ALKAL2: variants seen among roughly 807,000 people sequenced by gnomAD.
ALKAL2 encodes ALK and LTK ligand 2, also known as AUG-alpha.
ALKAL2 carries 8 observed loss-of-function variants against 18.5 expected under a neutral mutation model. That is an observed-to-expected ratio of 0.43 (90% confidence interval 0.25 to 0.78). ALKAL2 has a LOEUF of 0.78. Among genes scored for constraint, ALKAL2 ranks in the 30% least tolerant of loss-of-function variants. The pLI, the probability that ALKAL2 is intolerant of heterozygous loss-of-function variation, is 0.22. For missense variants in ALKAL2, 241 were observed against 211.2 expected (o/e 1.14, Z -0.88); for synonymous variants, 135 against 95.8 (o/e 1.41, Z -2.39).
intron 2 of ALKAL2, chr2:287,302 G>A: frequency 3.0e-6 from 1 of 337,418 alleles, no homozygotes; most frequent in Non-Finnish European, 5.3e-6. Context: ...AAGCTTTGCT[G>A]GAAATGCTTC....
At position 287,994 on chromosome 2, in the gene ALKAL2, G is replaced by C. The variant is rs939452499; in HGVS notation, c.-58+19C>G. 2.4e-5 allele frequency: 29 copies of C among 1,233,214 alleles called. No individual in the cohort carries two copies. Among genetic ancestry groups the C allele is most frequent in the Non-Finnish European group, 2.7e-5 (27 of 990,368 alleles). The allele number at this position is 1,233,214 out of a possible 1,614,324, so 76.4% of individuals were successfully genotyped here. A position where few individuals can be genotyped will look rare whatever the true frequency, so the allele number is the denominator to read the frequency against. On this transcript the variant is annotated intron_variant, in intron 1 of 5. Transcript: ENST00000403610. ...AGGGGAGGCGGGAGGAGCCGCTGGC[G>C]CTGGACCCGGCCCCTCACCTCCGCG...
In ALKAL2 at chr2:288,015, C is replaced by T. The variant is rs1400701919; in HGVS notation, c.-60G>A. ...TGGCGCTGGACCCGGCCCCTCACCT[C>T]CGCGGACCCCGAGGAACAAGCCGGC... On this transcript the variant is annotated splice_region_variant and 5_prime_UTR_variant, in exon 1 of 6. Transcript: ENST00000403610. The T allele has an allele frequency of 8.2e-7, 1 of 1,226,074 alleles. No homozygotes were observed. The highest frequency in any genetic ancestry group is 1.0e-6 in the Non-Finnish European group (1 of 985,950). The allele number at this position is 1,226,074 out of a possible 1,614,324, so 75.9% of individuals were successfully genotyped here.
intron 5 of ALKAL2, among the ~76,000 whole-genome samples, chr2:280,769 G>C (rs1046655059): frequency 6.6e-6 from 1 of 152,160 alleles, no homozygotes; most frequent in African/African-American, 2.4e-5. Context: ...GGTTGGTGGG[G>C]ACATTGTTCT....
chr2:283,402 G>A lies in ALKAL2; in HGVS notation c.389-227C>T, dbSNP rs191475982. ...ATGGCAGAAGTCGGATGATGTAAGT[G>A]GGGCAGCGGAGGGAAGAGGGACAGA... is the stretch of plus-strand genomic sequence containing the variant. On this transcript the variant is annotated intron_variant, in intron 4 of 5. Coordinates refer to ENST00000403610, the MANE Select transcript of ALKAL2 (RefSeq NM_001002919.3). The A allele has an allele frequency of 8.4e-3, 8,299 of 985,394 alleles. 50 individuals carry two copies. The highest frequency in any genetic ancestry group is 9.0e-3 in the Non-Finnish European group (7,493 of 829,928). The allele number at this position is 985,394 out of a possible 1,614,324, so 61.0% of individuals were successfully genotyped here.
rs1670561393 is a variant in ALKAL2, at chr2:287,566, C to T, written c.253+17G>A. On this transcript the variant is annotated intron_variant, in intron 2 of 5. Coordinates refer to ENST00000403610, the MANE Select transcript of ALKAL2 (RefSeq NM_001002919.3). ...TCCCAGCAGCCCCGGCCCTCGGGCG[C>T]GCTCGGCCCCACTCACCCACTCGCT... is the stretch of plus-strand genomic sequence containing the variant. 1 of 1,377,510 alleles carries T rather than the reference C, an allele frequency of 7.3e-7. No individual in the cohort carries two copies. Among genetic ancestry groups the T allele is most frequent in the Non-Finnish European group, 9.3e-7 (1 of 1,069,736 alleles). 85.3% of individuals were successfully genotyped at this position (1,377,510 alleles called of 1,614,324 possible). A position where few individuals can be genotyped will look rare whatever the true frequency, so the allele number is the denominator to read the frequency against.
Position 286,201 on chromosome 2 carries a change from G to C in ALKAL2, c.310C>G (p.Pro104Ala), listed in dbSNP as rs1484462566. ...KDKFLKHLTG[P>A]LYFSPKCSKH... ...CTGCACTTTGGACTAAAATAAAGAG[G>C]GCCTGGAACACGGAAGAAGAAACAG... The change falls in exon 4 of 6, where the codon CCT (proline) becomes GCT (alanine). Residue 104 changes from proline to alanine, a missense_variant and splice_region_variant. Coordinates refer to ENST00000403610, the MANE Select transcript of ALKAL2 (RefSeq NM_001002919.3). The C allele has an allele frequency of 6.2e-7, 1 of 1,613,662 alleles. No homozygotes were observed.
chr2:284,976 G>T (rs1425598948), intron 4 of ALKAL2, among the ~76,000 whole-genome samples: 1 of 152,292 alleles, frequency 6.6e-6, no homozygotes, highest in East Asian at 1.9e-4. Flanking sequence ...ATGGAAGGGT[G>T]GGGCCCAGCA....
intron 4 of ALKAL2, 31 bp downstream of exon 4, chr2:286,092 C>T (rs1670499186): frequency 1.3e-6 from 2 of 1,586,658 alleles, no homozygotes; most frequent in Admixed American, 3.4e-5. Flanking sequence ...ACTGCTCTTG[C>T]ATTTTATAAA....
Position 288,058 on chromosome 2 carries a change from T to G in ALKAL2, c.-103A>C. On this transcript the variant is annotated 5_prime_UTR_variant, in exon 1 of 6. Transcript: ENST00000403610. The stretch of plus-strand genomic sequence containing the variant: ...AAGCCGGCAGGTGAGGGAGCCGCGG[T>G]CTCCTCGACGATCACGCCCGAGGTC... 8.3e-7 allele frequency: 1 copy of G among 1,208,680 alleles called. No homozygotes were observed. The highest frequency in any genetic ancestry group is 1.0e-6 in the Non-Finnish European group (1 of 974,628). 74.9% of individuals were successfully genotyped at this position (1,208,680 alleles called of 1,614,324 possible).
At chr2:287,924 GAA>G (rs1670584170) in intron 1 of ALKAL2, 32 bp from the exon 2 acceptor site, 1 of 1,164,532 alleles carries the variant, frequency 8.6e-7, no homozygotes, top group Admixed American at 4.7e-5. Context: ...GGGCCGGAGA[GAA>G]AGTCAGCGGG....
intron 4 of ALKAL2, among the ~76,000 whole-genome samples, chr2:284,926 A>G (rs1670458278): frequency 6.6e-6 from 1 of 152,220 alleles, no homozygotes; most frequent in African/African-American, 2.4e-5. Flanking sequence ...ATTACATTCC[A>G]AAAGAAGAAA....
At chr2:287,390 C>A (rs1484071497) in intron 2 of ALKAL2, 193 bp downstream of exon 2, 20 of 434,868 alleles carry the variant, frequency 4.6e-5, no homozygotes, top group Non-Finnish European at 6.1e-5. Context: ...CAGAAGGAGA[C>A]CAGGCGCTTC....
intron 4 of ALKAL2, 37 bp from the exon 5 acceptor site, chr2:283,212 T>TA: frequency 1.3e-6 from 2 of 1,539,376 alleles, no homozygotes; most frequent in Non-Finnish European, 1.7e-6. Context: ...GTCAGTTACT[T>TA]AAAAAACAAA....
Position 283,172 on chromosome 2 carries a change from T to C in ALKAL2, c.392A>G (p.Tyr131Cys). 1 of 1,612,826 alleles carries C rather than the reference T, an allele frequency of 6.2e-7. No individual in the cohort carries two copies. The highest frequency in any genetic ancestry group is 8.5e-7 in the Non-Finnish European group (1 of 1,179,474). ...GGTAAGAAGCCTGGCGCATCTTTTA[T>C]AGTCTACGGTGAAAATATATCAGAC... ...NTRDCTIPAYYKRCARLLTRL... is the reference protein window; with the variant it reads ...NTRDCTIPAYCKRCARLLTRL... The change falls in exon 5 of 6, where the codon TAT becomes TGT. Residue 131 changes from tyrosine (Y) to cysteine (C), a missense_variant. Physicochemically the swap from Tyr to Cys is radical, Grantham distance 194. Coordinates refer to ENST00000403610, the MANE Select transcript of ALKAL2 (RefSeq NM_001002919.3).
chr2:285,633 C>T (rs1291867922), intron 4 of ALKAL2, among the ~76,000 whole-genome samples: 1 of 152,208 alleles, frequency 6.6e-6, no homozygotes, highest in East Asian at 1.9e-4. Flanking sequence ...ATAAGGGCAG[C>T]TCTGCATTTC....
intron 5 of ALKAL2, 64 bp from the exon 6 acceptor site, chr2:280,216 C>G (rs1255397362): frequency 8.2e-6 from 13 of 1,585,032 alleles, no homozygotes; most frequent in Non-Finnish European, 1.0e-5. Flanking sequence ...TTCCAGAAGA[C>G]CTGTCACTTC....
intron 4 of ALKAL2, among the ~76,000 whole-genome samples, chr2:284,189 C>T (rs1244869166): frequency 6.6e-6 from 1 of 152,222 alleles, no homozygotes; most frequent in Non-Finnish European, 1.5e-5. Context: ...TCAATGAAGA[C>T]TTCCACTTGG....
intron 4 of ALKAL2, among the ~76,000 whole-genome samples, chr2:284,361 C>T (rs1434093465): frequency 6.6e-6 from 1 of 152,218 alleles, no homozygotes; most frequent in African/African-American, 2.4e-5. Flanking sequence ...TCCCAACAAG[C>T]TCCCCATGGG....
intron 1 of ALKAL2, 43 bp downstream of exon 1, chr2:287,969 AG>A: frequency 1.7e-6 from 1 of 579,220 alleles, no homozygotes; most frequent in Non-Finnish European, 2.2e-6. Flanking sequence ...GGGGGAGGGG[AG>A]GGGAGGCGGG....
Sources: allele counts gnomAD v4.1 joint callset (sites outside exome capture counted in the v4.1 genomes callset), GRCh38; gene constraint gnomAD v4.1.1; transcripts MANE v1.5; gene names NCBI Gene and HGNC (gene_info 2026-07-23, HGNC 2026-07-21).